SAMSN1: variants seen among roughly 807,000 people sequenced by gnomAD.
SAMSN1 encodes the protein SAM domain-containing protein SAMSN-1.
A neutral mutation model predicts 42.0 loss-of-function variants in SAMSN1; 31 were observed. The observed-to-expected ratio is 0.74, with a 90% CI of 0.55 to 1.00. The LOEUF (loss-of-function observed/expected upper bound fraction) is 1.00, where lower values mean the gene tolerates loss of function less well. Ranked by LOEUF, SAMSN1 falls within the 50% of genes least tolerant of loss-of-function variation. SAMSN1 has a pLI of 0.00. For missense variants in SAMSN1, 464 were observed against 439.4 expected, an observed-to-expected ratio of 1.06 and a Z score of -0.50; for synonymous variants, 178 against 151.9, an observed-to-expected ratio of 1.17 and a Z score of -1.26.
chr21:14,506,769 A>C (rs1490926680), intron 5 of SAMSN1, among the ~76,000 whole-genome samples: 1 of 152,222 alleles, frequency 6.6e-6, no homozygotes, highest in Admixed American at 6.5e-5. Context: ...AATATCCCTG[A>C]TGAACATAGA....
At chr21:14,590,763 G>T (rs570777164) in intron 7 of SAMSN1, among the ~76,000 whole-genome samples, 8 of 152,138 alleles carry the variant, frequency 5.3e-5, no homozygotes, top group Non-Finnish European at 7.4e-5. Flanking sequence ...ACAAAATAAA[G>T]AAGAGGTTTT....
chr21:14,569,499 T>A (rs973166214), intron 2 of SAMSN1, among the ~76,000 whole-genome samples: 6 of 152,174 alleles, frequency 3.9e-5, no homozygotes, highest in Non-Finnish European at 8.8e-5. Context: ...TTAACCCTCA[T>A]CTGCTTTTTT....
intron 5 of SAMSN1, among the ~76,000 whole-genome samples, chr21:14,510,097 C>T (rs537244936): frequency 2.0e-4 from 30 of 151,684 alleles, no homozygotes; most frequent in African/African-American, 7.3e-4. Context: ...GGAGATTGCG[C>T]CACTGCACTC....
intron 3 of SAMSN1, among the ~76,000 whole-genome samples, chr21:14,513,316 A>G (rs1987769343): frequency 6.6e-6 from 1 of 152,228 alleles, no homozygotes; most frequent in South Asian, 2.1e-4. Flanking sequence ...AAACTTCAGA[A>G]TACACAAATG....
chr21:14,640,548 T>C (rs141963917), intron 2 of SAMSN1, among the ~76,000 whole-genome samples: 7 of 151,902 alleles, frequency 4.6e-5, no homozygotes, highest in African/African-American at 1.7e-4. Context: ...GAAGTGCCAA[T>C]ACCAGGAGAA....
chr21:14,548,790 C>T (rs1980509290), upstream of SAMSN1, among the ~76,000 whole-genome samples: 1 of 151,932 alleles, frequency 6.6e-6, no homozygotes, highest in South Asian at 2.1e-4. Flanking sequence ...TTGGAGGACA[C>T]CGAGATATTT....
chr21:14,549,146 C>A (rs1320383641), upstream of SAMSN1, among the ~76,000 whole-genome samples: 1 of 152,032 alleles, frequency 6.6e-6, no homozygotes, highest in African/African-American at 2.4e-5. Flanking sequence ...GTTCAGCAAT[C>A]CAACAAATAT....
upstream of SAMSN1, among the ~76,000 whole-genome samples, chr21:14,586,249 C>T (rs538820976): frequency 1.9e-4 from 21 of 108,530 alleles, no homozygotes; most frequent in African/African-American, 5.7e-4. Flanking sequence ...GGTGACAGAA[C>T]GAGACTCCAT....
At chr21:14,502,238 A>T (rs1252123269) in intron 5 of SAMSN1, among the ~76,000 whole-genome samples, 1 of 146,054 alleles carries the variant, frequency 6.8e-6, no homozygotes, top group Admixed American at 6.7e-5. Flanking sequence ...CTGTCTGTCT[A>T]GTCCTGTGAT....
chr21:14,616,091 A>G, intron 2 of SAMSN1: 1 of 441,632 alleles, frequency 2.3e-6, no homozygotes, highest in South Asian at 4.4e-5. Flanking sequence ...AGAGATCTGA[A>G]AGAGAATTCA....
At chr21:14,545,847 G>C (rs1018828666) in intron 1 of SAMSN1, among the ~76,000 whole-genome samples, 1 of 152,150 alleles carries the variant, frequency 6.6e-6, no homozygotes, top group Admixed American at 6.6e-5. Flanking sequence ...TCAGTAGACT[G>C]TTCAATAGAC....
chr21:14,514,598 T>G (rs2822712), intron 3 of SAMSN1, among the ~76,000 whole-genome samples: 49,158 of 152,120 alleles, frequency 0.32, 8,185 homozygotes, highest in Non-Finnish European at 0.35. Flanking sequence ...TCAGAGAATT[T>G]ACTGATGAAT....
At chr21:14,607,050 G>A (rs1237378289) in intron 5 of SAMSN1, among the ~76,000 whole-genome samples, 1 of 152,280 alleles carries the variant, frequency 6.6e-6, no homozygotes, top group African/African-American at 2.4e-5. Flanking sequence ...TTATAAGATT[G>A]CTTAGGAGTT....
intron 1 of SAMSN1, among the ~76,000 whole-genome samples, chr21:14,529,888 A>G (rs905481833): frequency 5.3e-5 from 8 of 152,232 alleles, no homozygotes; most frequent in African/African-American, 1.9e-4. Flanking sequence ...TAGTTTGTCT[A>G]CAGAATGATA....
intron 5 of SAMSN1, among the ~76,000 whole-genome samples, chr21:14,504,864 C>T (rs755698241): frequency 2.0e-5 from 3 of 152,132 alleles, no homozygotes; most frequent in African/African-American, 7.2e-5. Flanking sequence ...ACCAGGTAAC[C>T]CATAAAGGAA....
At chr21:14,489,022 G>A (rs1203342408) in intron 7 of SAMSN1, among the ~76,000 whole-genome samples, 1 of 152,192 alleles carries the variant, frequency 6.6e-6, no homozygotes, top group African/African-American at 2.4e-5. Flanking sequence ...TAATGACAGG[G>A]ATTGGCACAA....
At chr21:14,512,345 A>T in intron 4 of SAMSN1, 99 bp downstream of exon 4, 2 of 1,223,638 alleles carry the variant, frequency 1.6e-6, no homozygotes, top group Non-Finnish European at 2.4e-6. Flanking sequence ...TTCTCTTATC[A>T]AGTAGCTGGA....
At chr21:14,639,969 C>G (rs1169090908) in intron 2 of SAMSN1, among the ~76,000 whole-genome samples, 11 of 152,142 alleles carry the variant, frequency 7.2e-5, no homozygotes, top group Non-Finnish European at 5.9e-5. Context: ...AAAATACAAA[C>G]TAGGCATTTA....
Position 14,567,130 on chromosome 21 carries a change from C to T in SAMSN1, c.261+15006G>A, listed in dbSNP as rs370580226. ...GGTATTGACAGAGGGTTTCATGGCT[C>T]CTAGAACCACAAGAAAGCCATCCAC... is the stretch of plus-strand genomic sequence containing the variant. On this transcript the variant is annotated intron_variant, in intron 2 of 8. Coordinates refer to the SAMSN1 transcript ENST00000285670. Among the ~76,000 whole-genome samples the T allele has an allele frequency of 2.2e-3, 338 of 151,892 alleles. 3 individuals are homozygous for T. The highest frequency in any genetic ancestry group is 7.6e-3 in the African/African-American group (315 of 41,432).
Sources: gnomAD v4.1 joint callset for allele counts (sites outside exome capture counted in the v4.1 genomes callset) on GRCh38, gnomAD v4.1.1 for gene constraint, MANE v1.5 for transcripts, NCBI Gene and HGNC (gene_info 2026-07-23, HGNC 2026-07-21) for gene names.